Variants in DSG1 observed in about 807,000 individuals in gnomAD.
The protein encoded by DSG1 is desmoglein-1.
In DSG1, 39 loss-of-function variants were observed where a neutral mutation model predicts 97.5. The ratio of observed to expected loss-of-function variants is 0.40; its 90% CI spans 0.31 to 0.52. The LOEUF is 0.52. DSG1 is among the 20% of genes least tolerant of loss of function. The pLI, the probability that DSG1 is intolerant of heterozygous loss-of-function variation, is 0.53. For missense variants in DSG1, 1,311 were observed against 1,295.4 expected (o/e 1.01, Z -0.18); for synonymous variants, 475 against 443.4 (o/e 1.07, Z -0.90).
rs936008843 is a variant in DSG1, at chr18:31,358,161, T to C, written c.*2815T>C. On this transcript the variant is annotated 3_prime_UTR_variant, in exon 15 of 15. Coordinates refer to ENST00000257192, the MANE Select transcript of DSG1 (RefSeq NM_001942.4). ...GTAATTTAATACTATGTATGTATGG[T>C]TTGAAAACAAACCACAATGTTTATA... is the stretch of plus-strand genomic sequence containing the variant. Among the ~76,000 whole-genome samples, 20 of 152,082 alleles carry C rather than the reference T, an allele frequency of 1.3e-4. No homozygotes were observed. Among genetic ancestry groups the C allele is most frequent in the African/African-American group, 4.8e-4 (20 of 41,558 alleles).
chr18:31,350,478 C>G (rs1206201137), intron 14 of DSG1, among the ~76,000 whole-genome samples: 3 of 149,332 alleles, frequency 2.0e-5, no homozygotes, highest in African/African-American at 7.5e-5. Flanking sequence ...TGATGCTGGC[C>G]TCATAAAATG....
At position 31,326,874 on chromosome 18, in the gene DSG1, G is replaced by A. The variant is rs759853035; in HGVS notation, c.85G>A (p.Val29Ile). The A allele has an allele frequency of 3.1e-6, 5 of 1,613,154 alleles. No individual in the cohort carries two copies. The highest frequency in any genetic ancestry group is 2.7e-5 in the African/African-American group (2 of 74,746). The part of the protein sequence containing the change: ...VEVNSEFRIQ[V>I]RDYNTKNGTI... ...CATTTCTTTATTGCTGTCATTTAAG[G>A]TAAGAGATTATAACACTAAAAATGG... The change falls in exon 3 of 15, where the codon GTA becomes ATA. Residue 29 changes from valine (V) to isoleucine (I), a missense_variant and splice_region_variant. Val to Ile is a conservative substitution (Grantham distance 29, BLOSUM62 3). Coordinates refer to ENST00000257192, the MANE Select transcript of DSG1 (RefSeq NM_001942.4).
intron 14 of DSG1, among the ~76,000 whole-genome samples, chr18:31,347,986 AC>A (rs774239435): frequency 2.0e-5 from 3 of 151,956 alleles, no homozygotes; most frequent in Non-Finnish European, 2.9e-5. Context: ...TTATTATTAT[AC>A]TTTAAGTTTT....
intron 10 of DSG1, among the ~76,000 whole-genome samples, chr18:31,339,007 C>T (rs1455357921): frequency 6.6e-6 from 1 of 152,136 alleles, no homozygotes; most frequent in Non-Finnish European, 1.5e-5. Context: ...ACTGAGCTCA[C>T]ATCTATGTAA....
chr18:31,340,144 A>T (rs575632452), intron 11 of DSG1, 119 bp downstream of exon 11: 2 of 1,151,774 alleles, frequency 1.7e-6, no homozygotes, highest in African/African-American at 3.1e-5. Flanking sequence ...GCAATTATAA[A>T]GAAACTTCTG....
intron 14 of DSG1, among the ~76,000 whole-genome samples, chr18:31,352,221 A>C (rs373922073): frequency 6.6e-6 from 1 of 150,630 alleles, no homozygotes; most frequent in Non-Finnish European, 1.5e-5. Flanking sequence ...TTTCTCCTTC[A>C]CTTATGAAGC....
At chr18:31,322,472 C>A (rs1271362665) in intron 1 of DSG1, among the ~76,000 whole-genome samples, 1 of 152,140 alleles carries the variant, frequency 6.6e-6, no homozygotes, top group African/African-American at 2.4e-5. Context: ...CTTTAAAAGT[C>A]TTAATCTAGT....
At chr18:31,344,033 A>C in intron 13 of DSG1, 38 bp downstream of exon 13, 1 of 1,372,962 alleles carries the variant, frequency 7.3e-7, no homozygotes, top group Non-Finnish European at 1.0e-6. Flanking sequence ...TCAAATGCTT[A>C]AGTAGGAAGT....
At chr18:31,331,164 G>C (rs2071718604) in intron 5 of DSG1, among the ~76,000 whole-genome samples, 1 of 151,974 alleles carries the variant, frequency 6.6e-6, no homozygotes, top group Non-Finnish European at 1.5e-5. Flanking sequence ...ACTTGACGAA[G>C]GATCACCCAA....
chr18:31,330,166 C>A, intron 5 of DSG1, 130 bp downstream of exon 5: 1 of 1,180,640 alleles, frequency 8.5e-7, no homozygotes, highest in South Asian at 1.3e-5. Context: ...GCAAGTCTTT[C>A]CTTTCAACTA....
chr18:31,347,697 T>A (rs2071852266), intron 14 of DSG1: 1 of 152,202 alleles, frequency 6.6e-6, no homozygotes, highest in Non-Finnish European at 1.5e-5. Context: ...GAGATTATAT[T>A]TTTTAAAAGT....
rs1248365280 is a variant in DSG1, at chr18:31,352,713, ATTCAT to A, written c.2101-1578_2101-1574del. Among the ~76,000 whole-genome samples the A allele has an allele frequency of 1.3e-5, 2 of 149,028 alleles. 1 individual carries two copies. The highest frequency in any genetic ancestry group is 1.3e-4 in the Admixed American group (2 of 15,124). On this transcript the variant is annotated intron_variant, in intron 14 of 14. Transcript: ENST00000257192. Reference sequence around the variant, plus strand: ...TAAACTTCCCTTCTCGCTTCATTTCATTCATTTCATCTTCCATTGCTGATACCCTT... The same window carrying A: ...TAAACTTCCCTTCTCGCTTCATTTCATTCATCTTCCATTGCTGATACCCTT...
At chr18:31,329,570 G>T (rs2071708169) in intron 4 of DSG1, among the ~76,000 whole-genome samples, 1 of 151,098 alleles carries the variant, frequency 6.6e-6, no homozygotes, top group Non-Finnish European at 1.5e-5. Flanking sequence ...TCATTATATT[G>T]CCCAGGCTAG....
chr18:31,343,915 C>A lies in DSG1; in HGVS notation c.1822-11C>A, dbSNP rs2071808156. 2 of 1,605,660 alleles carry A rather than the reference C, an allele frequency of 1.2e-6. No homozygotes were observed. The highest frequency in any genetic ancestry group is 1.3e-5 in the African/African-American group (1 of 74,582). On this transcript the variant is annotated splice_polypyrimidine_tract_variant and intron_variant, in intron 12 of 14. Coordinates refer to ENST00000257192, the MANE Select transcript of DSG1 (RefSeq NM_001942.4). ...TCACTACAAATGGAAATGTTGTTTC[C>A]TGTCTTTTAGGATATAACCACTGTC...
At position 31,318,193 on chromosome 18, in the gene DSG1, T is replaced by C. The variant is rs1192396168; in HGVS notation, c.-108T>C. 2.0e-6 allele frequency: 2 copies of C among 981,360 alleles called. No individual in the cohort carries two copies. Among genetic ancestry groups the C allele is most frequent in the East Asian group, 2.4e-5 (1 of 42,012 alleles). 60.8% of individuals were successfully genotyped at this position (981,360 alleles called of 1,614,324 possible). A position where few individuals can be genotyped will look rare whatever the true frequency, so the allele number is the denominator to read the frequency against. On this transcript the variant is annotated 5_prime_UTR_variant, in exon 1 of 15. Coordinates refer to ENST00000257192, the MANE Select transcript of DSG1 (RefSeq NM_001942.4). The stretch of plus-strand genomic sequence containing the variant: ...CTCAAAGCCTGCATGTAAGAACATC[T>C]ACTGAGAAATTATTTTAATCAGACA...
rs532936989 is a variant in DSG1, at chr18:31,319,124, C to T, written c.48+776C>T. ...GAAATACTTTATCATTGCCCCCTTACATGTAATTAGTTTTCTTGCTGTAGA... is the reference window on the plus strand; with the variant it reads ...GAAATACTTTATCATTGCCCCCTTATATGTAATTAGTTTTCTTGCTGTAGA... On this transcript the variant is annotated intron_variant, in intron 1 of 14. Transcript: ENST00000257192. Among the ~76,000 whole-genome samples, 101 of 152,304 alleles carry T rather than the reference C, an allele frequency of 6.6e-4. 1 individual carries two copies. Among genetic ancestry groups the T allele is most frequent in the Non-Finnish European group, 1.2e-3 (83 of 68,006 alleles).
intron 14 of DSG1, among the ~76,000 whole-genome samples, chr18:31,348,378 T>C (rs931343299): frequency 3.3e-5 from 5 of 152,022 alleles, no homozygotes; most frequent in Admixed American, 1.3e-4. Context: ...TAGATGGACA[T>C]TTGGGTTGGT....
chr18:31,346,902 A>G (rs2071843611), intron 14 of DSG1, among the ~76,000 whole-genome samples: 1 of 152,198 alleles, frequency 6.6e-6, no homozygotes, highest in Non-Finnish European at 1.5e-5. Context: ...GTCAAGAGCC[A>G]TAGTCTACTT....
At chr18:31,348,156 C>A (rs1019482900) in intron 14 of DSG1, among the ~76,000 whole-genome samples, 1 of 125,242 alleles carries the variant, frequency 8.0e-6, no homozygotes, top group African/African-American at 3.1e-5. Flanking sequence ...GTGTGATATT[C>A]CCCTTCCTGT....
Sources: gnomAD v4.1 joint callset for allele counts (sites outside exome capture counted in the v4.1 genomes callset) on GRCh38, gnomAD v4.1.1 for gene constraint, MANE v1.5 for transcripts, NCBI Gene and HGNC (gene_info 2026-07-23, HGNC 2026-07-21) for gene names.